Variants in DCC observed in about 807,000 individuals in gnomAD.
DCC encodes the protein DCC netrin 1 receptor, also known as netrin receptor DCC.
In DCC, 58 loss-of-function variants were observed where a neutral mutation model predicts 172.5. The ratio of observed to expected loss-of-function variants is 0.34; its 90% CI spans 0.27 to 0.42. The LOEUF (loss-of-function observed/expected upper bound fraction) is 0.42, where lower values mean the gene tolerates loss of function less well. DCC is among the 10% of genes least tolerant of loss of function. The pLI is 1.00. For synonymous variants in DCC, 709 were observed against 644.5 expected (o/e 1.10, Z -1.52); for missense variants, 1,740 against 1,791.0 (o/e 0.97, Z 0.51).
chr18:53,181,870 T>C (rs919981121), intron 9 of DCC, among the ~76,000 whole-genome samples: 1 of 152,178 alleles, frequency 6.6e-6, no homozygotes, highest in Non-Finnish European at 1.5e-5. Context: ...ACAGATTTGC[T>C]CGTGGGCCCA....
At chr18:52,669,869 AC>A (rs758065281) in intron 1 of DCC, among the ~76,000 whole-genome samples, 108 of 148,896 alleles carry the variant, frequency 7.3e-4, no homozygotes, top group Non-Finnish European at 1.0e-3. Context: ...ACAAAACAAA[AC>A]AAAAAACACA....
At chr18:53,331,908 A>G (rs1568061640) in intron 14 of DCC, among the ~76,000 whole-genome samples, 3 of 152,234 alleles carry the variant, frequency 2.0e-5, no homozygotes, top group Admixed American at 1.3e-4. Flanking sequence ...TCCCTAAAAA[A>G]TACTTTACAT....
intron 15 of DCC, among the ~76,000 whole-genome samples, chr18:53,374,882 T>C (rs1461080225): frequency 5.3e-5 from 8 of 152,184 alleles, no homozygotes; most frequent in African/African-American, 1.9e-4. Context: ...AAGTGAGGTA[T>C]GGTAAAGCCT....
At position 53,138,467 on chromosome 18, in the gene DCC, GCTTA is replaced by G. The variant is rs777867649; in HGVS notation, c.1262-18885_1262-18882del. ...ATCATAATATTAGTTACAGATGTCA[GCTTA>G]CTTCTATTTTTCTGAAGAAAAGGTG... On this transcript the variant is annotated intron_variant, in intron 7 of 28. Transcript: ENST00000442544. Among the ~76,000 whole-genome samples, 11 of 152,246 alleles carry G rather than the reference GCTTA, an allele frequency of 7.2e-5. No homozygotes were observed. The South Asian group carries it at 1.4e-3, about 20-fold the overall frequency.
At chr18:52,822,252 C>T (rs2038420718) in intron 2 of DCC, among the ~76,000 whole-genome samples, 1 of 152,134 alleles carries the variant, frequency 6.6e-6, no homozygotes, top group Non-Finnish European at 1.5e-5. Context: ...CAGGCTATTC[C>T]AACAGGCAAT....
intron 1 of DCC, among the ~76,000 whole-genome samples, chr18:52,381,968 A>G (rs1985605542): frequency 2.0e-5 from 3 of 152,160 alleles, no homozygotes; most frequent in African/African-American, 7.2e-5. Context: ...TCCTTGGTCC[A>G]TGCTTTGGAG....
intron 1 of DCC, among the ~76,000 whole-genome samples, chr18:52,460,305 A>G (rs913393826): frequency 8.5e-5 from 13 of 152,124 alleles, no homozygotes; most frequent in African/African-American, 3.1e-4. Context: ...AATTGTCTCC[A>G]TATGGCTAAA....
chr18:52,454,647 T>G (rs1988405955), intron 1 of DCC, among the ~76,000 whole-genome samples: 1 of 152,170 alleles, frequency 6.6e-6, no homozygotes, highest in African/African-American at 2.4e-5. Flanking sequence ...ATTTGTAGTG[T>G]TTTTACTTGA....
intron 9 of DCC, among the ~76,000 whole-genome samples, chr18:53,189,198 T>C (rs2055331397): frequency 6.6e-6 from 1 of 152,136 alleles, no homozygotes; most frequent in South Asian, 2.1e-4. Flanking sequence ...TGTATATATG[T>C]GTATATGTGT....
chr18:52,766,224 C>T (rs751048178), intron 2 of DCC, among the ~76,000 whole-genome samples: 1 of 152,212 alleles, frequency 6.6e-6, no homozygotes, highest in Non-Finnish European at 1.5e-5. Context: ...TTTTGGGCGC[C>T]AGCAGGAGCA....
At chr18:52,428,886 T>A in intron 1 of DCC, among the ~76,000 whole-genome samples, 1 of 152,200 alleles carries the variant, frequency 6.6e-6, no homozygotes, top group East Asian at 1.9e-4. Context: ...GTAAAGCTAT[T>A]AATATATATA....
At position 53,410,664 on chromosome 18, in the gene DCC, T is replaced by C. The variant is rs1198082788; in HGVS notation, c.3130+18T>C. On this transcript the variant is annotated intron_variant, in intron 20 of 28. Coordinates refer to ENST00000442544, the MANE Select transcript of DCC (RefSeq NM_005215.4). ...TCTGAAAGGTTTGAATAATTTCCTA[T>C]TATGCTTTTCTTTTCCTGTGGGATT... 5.6e-6 allele frequency: 8 copies of C among 1,437,206 alleles called. No homozygotes were observed. Among genetic ancestry groups the C allele is most frequent in the East Asian group, 4.5e-5 (2 of 44,302 alleles). The allele number at this position is 1,437,206 out of a possible 1,614,324, so 89.0% of individuals were successfully genotyped here.
chr18:53,234,460 A>G (rs78417852), intron 12 of DCC, among the ~76,000 whole-genome samples: 6,640 of 151,806 alleles, frequency 0.044, 442 homozygotes, highest in African/African-American at 0.15. Flanking sequence ...AATAAATAAA[A>G]TATTGGCCAG....
chr18:53,081,482 C>A (rs1484734989), intron 7 of DCC, among the ~76,000 whole-genome samples: 1 of 151,456 alleles, frequency 6.6e-6, no homozygotes, highest in East Asian at 1.9e-4. Flanking sequence ...TATTGGGTAT[C>A]AGTGATAATG....
chr18:53,009,397 G>A (rs778986053), intron 5 of DCC, among the ~76,000 whole-genome samples: 3 of 151,760 alleles, frequency 2.0e-5, no homozygotes, highest in African/African-American at 4.8e-5. Context: ...TGGAAGCCTG[G>A]GATTTACTCT....
intron 2 of DCC, among the ~76,000 whole-genome samples, chr18:52,844,333 C>CAGAA (rs1950381987): frequency 6.6e-6 from 1 of 151,906 alleles, no homozygotes; most frequent in African/African-American, 2.4e-5. Flanking sequence ...GACAGACAGA[C>CAGAA]AGACAGATAG....
chr18:53,124,895 A>T (rs529549835), intron 7 of DCC, among the ~76,000 whole-genome samples: 2 of 151,924 alleles, frequency 1.3e-5, no homozygotes, highest in South Asian at 4.1e-4. Flanking sequence ...GCTTGAACCC[A>T]GGAGGTGGAG....
At chr18:53,091,223 C>T (rs2043004229) in intron 7 of DCC, among the ~76,000 whole-genome samples, 1 of 151,556 alleles carries the variant, frequency 6.6e-6, no homozygotes, top group Non-Finnish European at 1.5e-5. Context: ...ATTATAGATC[C>T]AAGCAGTTTC....
intron 5 of DCC, among the ~76,000 whole-genome samples, chr18:53,055,087 T>C (rs1321938270): frequency 6.6e-6 from 1 of 152,094 alleles, no homozygotes. Context: ...CGTTGAGGAC[T>C]GAACTACACT....
Sources: allele counts gnomAD v4.1 joint callset (sites outside exome capture counted in the v4.1 genomes callset), GRCh38; gene constraint gnomAD v4.1.1; transcripts MANE v1.5; gene names NCBI Gene and HGNC (gene_info 2026-07-23, HGNC 2026-07-21).